The following IRAG1 variants were observed in gnomAD, a reference collection of about 807,000 sequenced individuals.
The protein encoded by IRAG1 is IP3R-associated cGMP kinase substrate.
A neutral mutation model predicts 106.2 loss-of-function variants in IRAG1; 62 were observed. That is an observed-to-expected ratio of 0.58 (90% confidence interval 0.48 to 0.72). IRAG1 has a LOEUF of 0.72. Among genes scored for constraint, IRAG1 ranks in the 30% least tolerant of loss-of-function variants. IRAG1 has a pLI of 0.00. For missense variants in IRAG1, 1,064 were observed against 1,140.7 expected, an observed-to-expected ratio of 0.93 and a Z score of 0.97; for synonymous variants, 462 against 443.9, an observed-to-expected ratio of 1.04 and a Z score of -0.51.
In IRAG1 at chr11:10,628,472, A is replaced by C. The variant is rs1703701014; in HGVS notation, c.652+279T>G. Among the ~76,000 whole-genome samples, 1 of 152,152 alleles carries C rather than the reference A, an allele frequency of 6.6e-6. No individual in the cohort carries two copies. Among genetic ancestry groups the C allele is most frequent in the Admixed American group, 6.5e-5 (1 of 15,278 alleles). ...GCTTCTCTGAGCCTCCCTGAGCCAG[A>C]GAGGCTGTCCTAGTCCCCTTTCCCA... On this transcript the variant is annotated intron_variant, in intron 6 of 20. Transcript: ENST00000423302. This position sits in a 1 kb window ranked among gnomAD's most constrained non-coding sequence, Gnocchi z 4.1.
chr11:10,620,224 T>A (rs564294213), intron 10 of IRAG1, among the ~76,000 whole-genome samples: 1 of 152,282 alleles, frequency 6.6e-6, no homozygotes, highest in East Asian at 1.9e-4. Flanking sequence ...GAAGTAGTAT[T>A]TTTATAATGA....
intron 8 of IRAG1, 145 bp downstream of exon 8, chr11:10,627,571 A>C: frequency 7.7e-6 from 6 of 774,876 alleles, no homozygotes; most frequent in East Asian, 2.6e-5. Context: ...AAGGCAGGGG[A>C]ATCTGCTGTT....
In IRAG1 at chr11:10,626,410, A is replaced by G. The variant is rs1564914776; in HGVS notation, c.924T>C (p.Pro308=). Residue 308 remains proline, a synonymous_variant, in exon 9 of 21, where the codon CCT becomes CCC. Transcript: ENST00000423302. ...YPETTPKGLA[P]VTNSSGKMAL... ...CCATTTTCCCACTGCTGTTTGTAAC[A>G]GGAGCTAGGCCTTTGGGTGTGGTCT... 1 of 1,613,866 alleles carries G rather than the reference A, an allele frequency of 6.2e-7. No individual in the cohort carries two copies. Among genetic ancestry groups the G allele is most frequent in the Non-Finnish European group, 8.5e-7 (1 of 1,179,838 alleles).
chr11:10,598,987 A>C (rs978338396), intron 15 of IRAG1, among the ~76,000 whole-genome samples: 1 of 152,236 alleles, frequency 6.6e-6, no homozygotes, highest in Non-Finnish European at 1.5e-5. Context: ...TATCTTATGG[A>C]AACACCTGCT....
chr11:10,626,251 C>G lies in IRAG1; in HGVS notation c.1083G>C (p.Gln361His), dbSNP rs34398944. ...TCGGCTCTCCAGCTGGGCCTCTCCC[C>G]TGGGAGGCTGGGGGACCCACTCCTG... is the stretch of plus-strand genomic sequence containing the variant. ...DAAGVGPPAS[Q>H]GRGPAGEPMG... The change falls in exon 9 of 21, where the codon CAG becomes CAC. Residue 361 changes from glutamine (Q) to histidine (H), a missense_variant. Transcript: ENST00000423302. The G allele has an allele frequency of 2.6e-3, 4,203 of 1,608,432 alleles. 78 individuals are homozygous for G. The African/African-American group carries it at 0.05, about 19-fold the overall frequency.
Position 10,685,892 on chromosome 11 carries a change from C to G in IRAG1, c.67+7644G>C, listed in dbSNP as rs182081529. On this transcript the variant is annotated intron_variant, in intron 1 of 20. Transcript: ENST00000423302. ...AAGGTGATGCTCCTTGGGGAAGTCT[C>G]TTAGAAGCCAACTAGCCAGGTTTAT... Among the ~76,000 whole-genome samples, 417 of 152,262 alleles carry G rather than the reference C, an allele frequency of 2.7e-3. 2 individuals are homozygous for G. The highest frequency in any genetic ancestry group is 4.9e-3 in the Non-Finnish European group (330 of 68,016).
Position 10,626,278 on chromosome 11 carries a change from C to G in IRAG1, c.1056G>C (p.Ala352=). 1 of 1,611,884 alleles carries G rather than the reference C, an allele frequency of 6.2e-7. No individual in the cohort carries two copies. Among genetic ancestry groups the G allele is most frequent in the Non-Finnish European group, 8.5e-7 (1 of 1,178,890 alleles). Residue 352 remains alanine, a synonymous_variant, in exon 9 of 21, where the codon GCG becomes GCC. Coordinates refer to ENST00000423302, the MANE Select transcript of IRAG1 (RefSeq NM_130385.4). ...GGGAGGCTGGGGGACCCACTCCTGC[C>G]GCATCCTGGGTTGGACTTCTCGGCA... ...SPLPRSPTQD[A]AGVGPPASQG... is the part of the protein sequence containing the mutation.
At chr11:10,644,185 A>G (rs1421960985) in intron 2 of IRAG1, among the ~76,000 whole-genome samples, 2 of 152,204 alleles carry the variant, frequency 1.3e-5, no homozygotes, top group African/African-American at 2.4e-5. Flanking sequence ...TCAGTGGGAA[A>G]CTTGAGTTTG....
intron 14 of IRAG1, 51 bp downstream of exon 14, chr11:10,603,069 C>A: frequency 6.3e-7 from 1 of 1,574,922 alleles, no homozygotes; most frequent in South Asian, 1.2e-5. Flanking sequence ...GATTGCTCTA[C>A]TTTACGTAGG....
chr11:10,617,976 T>C (rs776231284), intron 10 of IRAG1, among the ~76,000 whole-genome samples: 1 of 152,232 alleles, frequency 6.6e-6, no homozygotes, highest in Non-Finnish European at 1.5e-5. Context: ...TTGATCCTGA[T>C]GCTTCCTTAC....
rs758300437 is a variant in IRAG1 at position 10,580,510 on chromosome 11, C to T, written c.2440G>A (p.Glu814Lys). ...EEEEQKSESPEEPEEVEETEE... is the reference protein window; with the variant it reads ...EEEEQKSESPKEPEEVEETEE... Reference sequence around the variant, plus strand: ...GTTTCTTCTACCTCTTCAGGTTCCTCAGGACTCTCACTCTTCTGTTCTTCC... The same window carrying T: ...GTTTCTTCTACCTCTTCAGGTTCCTTAGGACTCTCACTCTTCTGTTCTTCC... Residue 814 changes from glutamate (E) to lysine (K), a missense_variant, in exon 20 of 21, where the codon GAG becomes AAG. Transcript: ENST00000423302. 6.2e-7 allele frequency: 1 copy of T among 1,613,840 alleles called. No homozygotes were observed. Among genetic ancestry groups the T allele is most frequent in the Non-Finnish European group, 8.5e-7 (1 of 1,179,858 alleles).
intron 10 of IRAG1, among the ~76,000 whole-genome samples, chr11:10,613,724 A>C (rs533772998): frequency 2.0e-5 from 3 of 152,272 alleles, no homozygotes; most frequent in African/African-American, 7.2e-5. Flanking sequence ...AGAAATGTGA[A>C]GGTGGGAAGA....
chr11:10,651,219 C>T lies in IRAG1; in HGVS notation c.225+806G>A, dbSNP rs573541857. Among the ~76,000 whole-genome samples the T allele has an allele frequency of 2.6e-5, 4 of 152,278 alleles. No homozygotes were observed. In the South Asian group the frequency reaches 6.2e-4, roughly 24 times the overall value. On this transcript the variant is annotated intron_variant, in intron 2 of 20. Transcript: ENST00000423302. ...GCTTATCAATTAAGTGAAGAAAATACGACGAGGATGATGCTCAAATAGGTT... is the reference window on the plus strand; with the variant it reads ...GCTTATCAATTAAGTGAAGAAAATATGACGAGGATGATGCTCAAATAGGTT...
chr11:10,581,582 C>A (rs1227256604), intron 19 of IRAG1, among the ~76,000 whole-genome samples: 1 of 152,056 alleles, frequency 6.6e-6, no homozygotes, highest in Non-Finnish European at 1.5e-5. Flanking sequence ...AGGAACCCAT[C>A]CAGGACCCCT....
intron 14 of IRAG1, among the ~76,000 whole-genome samples, chr11:10,601,779 GACTGGTGGCAGTGAGGGCAGCAGGTAAAA>G (rs1391085984): frequency 6.6e-6 from 1 of 152,224 alleles, no homozygotes; most frequent in Non-Finnish European, 1.5e-5. Flanking sequence ...AAGGGAGTGA[GACTGGTGGCAGTGAGGGCAGCAGGTAAAA>G]ACAGGATGAA....
intron 15 of IRAG1, 56 bp downstream of exon 15, chr11:10,600,862 A>C: frequency 6.2e-7 from 1 of 1,606,982 alleles, no homozygotes; most frequent in East Asian, 2.2e-5. Flanking sequence ...CCTAGCCAAG[A>C]GCTCTTGGAA....
rs1033208515 is a variant in IRAG1, at chr11:10,576,024, G to A, written c.*308C>T. The A allele has an allele frequency of 2.9e-6, 1 of 349,102 alleles. No individual in the cohort carries two copies. The highest frequency in any genetic ancestry group is 5.4e-6 in the Non-Finnish European group (1 of 184,654). 21.6% of individuals were successfully genotyped at this position (349,102 alleles called of 1,614,324 possible). ...CTCCTTACCCCCAACCACCAGTGAA[G>A]GTGTTTTAGTTCTCCCCAGCCACCT... On this transcript the variant is annotated 3_prime_UTR_variant, in exon 21 of 21. Coordinates refer to ENST00000423302, the MANE Select transcript of IRAG1 (RefSeq NM_130385.4).
chr11:10,627,670 G>GC (rs778777525), intron 8 of IRAG1, 46 bp downstream of exon 8: 1 of 1,608,726 alleles, frequency 6.2e-7, no homozygotes, highest in South Asian at 1.1e-5. Context: ...AGGAGACTGT[G>GC]CCCCCCACAC....
Position 10,598,341 on chromosome 11 carries a change from T to A in IRAG1, c.2017+2577A>T, listed in dbSNP as rs140548912. The stretch of plus-strand genomic sequence containing the variant: ...TTCAGCTATTTAGACAAAGGTTTGC[T>A]TTATTTTGTCCAGCAGCAATTTCTA... On this transcript the variant is annotated intron_variant, in intron 15 of 20. Coordinates refer to ENST00000423302, the MANE Select transcript of IRAG1 (RefSeq NM_130385.4). Among the ~76,000 whole-genome samples the A allele has an allele frequency of 8.2e-3, 1,256 of 152,366 alleles. 78 individuals carry two copies. Among genetic ancestry groups the A allele is most frequent in the Admixed American group, 0.077 (1,171 of 15,304 alleles).
Sources: gnomAD v4.1 joint callset for allele counts (sites outside exome capture counted in the v4.1 genomes callset) on GRCh38, gnomAD v4.1.1 for gene constraint, Gnocchi (gnomAD v3.1) non-coding constraint, MANE v1.5 for transcripts, NCBI Gene and HGNC (gene_info 2026-07-23, HGNC 2026-07-21) for gene names.